Variants in GTF2F2 observed in about 807,000 individuals in gnomAD.
GTF2F2 encodes the protein ATP-dependent helicase GTF2F2.
In GTF2F2, 23 loss-of-function variants were observed where a neutral mutation model predicts 42.2. The ratio of observed to expected loss-of-function variants is 0.55; its 90% CI spans 0.39 to 0.77. The LOEUF is 0.77. GTF2F2 is among the 30% of genes least tolerant of loss of function. GTF2F2 has a pLI of 0.00. For synonymous variants in GTF2F2, 105 were observed against 100.8 expected, an observed-to-expected ratio of 1.04 and a Z score of -0.25; for missense variants, 261 against 287.2, an observed-to-expected ratio of 0.91 and a Z score of 0.66.
chr13:45,159,956 C>T (rs1302054103), intron 4 of GTF2F2, among the ~76,000 whole-genome samples: 1 of 152,116 alleles, frequency 6.6e-6, no homozygotes, highest in Non-Finnish European at 1.5e-5. Context: ...TTTCTTGTCA[C>T]TGGTTTAAAA....
chr13:45,274,705 G>T (rs1046199924), intron 7 of GTF2F2, among the ~76,000 whole-genome samples: 1 of 152,128 alleles, frequency 6.6e-6, no homozygotes, highest in African/African-American at 2.4e-5. Flanking sequence ...ACTTTGGGAA[G>T]CTAAAGCAGG....
chr13:45,193,887 A>G (rs1566130322), intron 4 of GTF2F2: 2 of 1,614,026 alleles, frequency 1.2e-6, no homozygotes, highest in African/African-American at 2.7e-5. Context: ...CCATCATGAT[A>G]GCCTCAAACT....
At chr13:45,142,892 G>A (rs1175543626) in intron 2 of GTF2F2, among the ~76,000 whole-genome samples, 1 of 152,170 alleles carries the variant, frequency 6.6e-6, no homozygotes, top group Non-Finnish European at 1.5e-5. Context: ...CTTAATATGA[G>A]TCATCAAATT....
At chr13:45,194,681 G>T in intron 4 of GTF2F2, 1 of 971,772 alleles carries the variant, frequency 1.0e-6, no homozygotes, top group Non-Finnish European at 1.6e-6. Context: ...GAATGGAAAC[G>T]CTGGCAGCAT....
At chr13:45,256,704 A>G (rs1238185399) in intron 6 of GTF2F2, among the ~76,000 whole-genome samples, 2 of 152,162 alleles carry the variant, frequency 1.3e-5, no homozygotes, top group Non-Finnish European at 2.9e-5. Flanking sequence ...GTTATTTATT[A>G]GAAGAGGACA....
chr13:45,130,253 G>C (rs904623132), intron 1 of GTF2F2, among the ~76,000 whole-genome samples: 2 of 152,178 alleles, frequency 1.3e-5, no homozygotes, highest in African/African-American at 4.8e-5. Context: ...GAGACTTTGG[G>C]CAAATAATAG....
At chr13:45,245,064 A>G (rs563947692) in intron 5 of GTF2F2, among the ~76,000 whole-genome samples, 1 of 152,322 alleles carries the variant, frequency 6.6e-6, no homozygotes, top group Admixed American at 6.5e-5. Flanking sequence ...AGAGAAACTG[A>G]TATCTTCATG....
intron 5 of GTF2F2, among the ~76,000 whole-genome samples, chr13:45,209,312 G>A (rs749519680): frequency 1.3e-5 from 2 of 152,166 alleles, no homozygotes; most frequent in Non-Finnish European, 1.5e-5. Context: ...GTAATGTGTA[G>A]CAGAGTATAC....
At chr13:45,235,679 T>TC (rs1319501212) in intron 5 of GTF2F2, among the ~76,000 whole-genome samples, 34 of 152,072 alleles carry the variant, frequency 2.2e-4, no homozygotes, top group Admixed American at 2.2e-3. Flanking sequence ...AATTTCCGCC[T>TC]CCCAGGTTCA....
intron 4 of GTF2F2, among the ~76,000 whole-genome samples, chr13:45,153,081 C>T (rs541405362): frequency 1.3e-5 from 2 of 150,306 alleles, no homozygotes; most frequent in East Asian, 3.9e-4. Context: ...GAGATCTCGG[C>T]TCACTGCAAG....
At chr13:45,255,017 A>C (rs1169188651) in intron 6 of GTF2F2, among the ~76,000 whole-genome samples, 2 of 151,978 alleles carry the variant, frequency 1.3e-5, no homozygotes, top group Admixed American at 6.6e-5. Context: ...AAATACAAAA[A>C]TTAGCCAGGA....
chr13:45,266,996 A>T (rs1284172972), intron 6 of GTF2F2, among the ~76,000 whole-genome samples: 1 of 152,174 alleles, frequency 6.6e-6, no homozygotes, highest in Admixed American at 6.5e-5. Flanking sequence ...AAAAATACAA[A>T]AAATTAGCCA....
intron 4 of GTF2F2, among the ~76,000 whole-genome samples, chr13:45,157,958 A>G (rs568985730): frequency 3.3e-5 from 5 of 152,236 alleles, no homozygotes; most frequent in South Asian, 2.1e-4. Context: ...TTTTCTCTAT[A>G]TATCCATGTT....
chr13:45,140,551 T>C (rs563402602), intron 2 of GTF2F2, among the ~76,000 whole-genome samples: 3 of 152,336 alleles, frequency 2.0e-5, no homozygotes, highest in Non-Finnish European at 4.4e-5. Context: ...TAAGATAATA[T>C]GGAAATAGTT....
intron 2 of GTF2F2, among the ~76,000 whole-genome samples, chr13:45,146,389 C>T (rs545967514): frequency 8.8e-4 from 134 of 152,228 alleles, no homozygotes; most frequent in African/African-American, 3.0e-3. Context: ...GTCCCAGCCA[C>T]TCCAGAGGCT....
intron 5 of GTF2F2, 125 bp from the exon 6 acceptor site, chr13:45,252,746 G>A (rs1406676633): frequency 1.7e-6 from 1 of 584,846 alleles, no homozygotes. Flanking sequence ...ATTAAAGCTA[G>A]TGTATCCTCT....
At chr13:45,194,158 G>A in intron 4 of GTF2F2, 6 of 1,614,054 alleles carry the variant, frequency 3.7e-6, no homozygotes, top group South Asian at 1.1e-5. Flanking sequence ...AGTCTCTCTG[G>A]GTGTTAGCTG....
intron 7 of GTF2F2, among the ~76,000 whole-genome samples, chr13:45,281,623 G>C (rs531758011): frequency 1.3e-5 from 2 of 152,324 alleles, no homozygotes; most frequent in South Asian, 2.1e-4. Context: ...AAGAGACTTT[G>C]ATTCAGTAGG....
chr13:45,150,664 C>CTTTTTTTTTTTTTTTTTTTT (rs368061537), intron 3 of GTF2F2, among the ~76,000 whole-genome samples: 1 of 122,464 alleles, frequency 8.2e-6, no homozygotes, highest in African/African-American at 3.7e-5. Context: ...AAAAAATCAT[C>CTTTTTTTTTTTTTTTTTTTT]TTTTTTTTTT....
Sources: allele counts gnomAD v4.1 joint callset (sites outside exome capture counted in the v4.1 genomes callset), GRCh38; gene constraint gnomAD v4.1.1; transcripts MANE v1.5; gene names NCBI Gene and HGNC (gene_info 2026-07-23, HGNC 2026-07-21).